A2M: variants seen among roughly 807,000 people sequenced by gnomAD.
A2M encodes alpha-2-macroglobulin, also known as C3 and PZP-like alpha-2-macroglobulin domain-containing protein 5.
A neutral mutation model predicts 183.9 loss-of-function variants in A2M; 128 were observed. That is an observed-to-expected ratio of 0.70 (90% CI 0.60 to 0.81). A2M has a LOEUF of 0.81. A2M is among the 30% of genes least tolerant of loss of function. The pLI, the probability that A2M is intolerant of heterozygous loss-of-function variation, is 0.00. For synonymous variants in A2M, 592 were observed against 670.8 expected (o/e 0.88, Z 1.81); for missense variants, 1,495 against 1,787.6 (o/e 0.84, Z 2.95).
At chr12:9,077,978 T>A in intron 25 of A2M, 121 bp from the exon 26 acceptor site, 1 of 1,102,112 alleles carries the variant, frequency 9.1e-7, no homozygotes, top group Non-Finnish European at 1.3e-6. Flanking sequence ...CTTAGAGAGC[T>A]TATCTCCTTG....
In A2M at chr12:9,106,287, TGA is replaced by T; in HGVS notation, c.1051_1052del (p.Ser351IlefsTer31). 1 of 1,607,732 alleles carries T rather than the reference TGA, an allele frequency of 6.2e-7. No homozygotes were observed. Among genetic ancestry groups the T allele is most frequent in the Non-Finnish European group, 8.5e-7 (1 of 1,174,204 alleles). ...GAAAGTGTGAGTCCACTTTCACAAA[TGA>T]GAGTTTGGTTATGGTTCTTGTGATT... ...SEITRTITKLSFVKVDSHFRQ... is the reference protein window; with the variant it reads ...SEITRTITKLXFVKVDSHFRQ... On this transcript the variant is annotated frameshift_variant, in exon 10 of 36. Transcript: ENST00000318602. LOFTEE classifies it high-confidence loss of function.
chr12:9,079,420 T>C (rs2137702693), intron 24 of A2M, 89 bp from the exon 25 acceptor site: 4 of 1,343,514 alleles, frequency 3.0e-6, no homozygotes, highest in East Asian at 4.6e-5. Context: ...GCTTCTCTTG[T>C]GACATTTCTT....
At position 9,110,004 on chromosome 12, in the gene A2M, T is replaced by C. The variant is rs1938602489; in HGVS notation, c.536A>G (p.Gln179Arg). Reference sequence around the variant, plus strand: ...GAGGCCACCCTCTAACTGGAAACTCTGCCATTGTGCGATGCGATTTCCTTT... The same window carrying C: ...GAGGCCACCCTCTAACTGGAAACTCCGCCATTGTGCGATGCGATTTCCTTT... ...DPKGNRIAQW[Q>R]SFQLEGGLKQ... is the part of the protein sequence containing the mutation. The change falls in exon 6 of 36, where the codon CAG becomes CGG. Residue 179 changes from glutamine (Q) to arginine (R), a missense_variant. Physicochemically the swap from Gln to Arg is conservative, Grantham distance 43 (BLOSUM62 1). Coordinates refer to ENST00000318602, the MANE Select transcript of A2M (RefSeq NM_000014.6). The C allele has an allele frequency of 6.2e-7, 1 of 1,613,160 alleles. No homozygotes were observed. The highest frequency in any genetic ancestry group is 8.5e-7 in the Non-Finnish European group (1 of 1,179,600).
chr12:9,095,495 T>C (rs780014577), intron 16 of A2M, 44 bp downstream of exon 16: 1 of 1,562,238 alleles, frequency 6.4e-7, no homozygotes, highest in Admixed American at 1.7e-5. Context: ...GTGTAATATT[T>C]TAAGAAGCTT....
At chr12:9,090,333 A>G (rs775793434) in intron 20 of A2M, 23 bp downstream of exon 20, 3 of 1,613,760 alleles carry the variant, frequency 1.9e-6, no homozygotes, top group African/African-American at 1.3e-5. Context: ...GTAGAGAATT[A>G]TCTCTAGCAG....
At chr12:9,089,602 G>A (rs775352229) in intron 21 of A2M, among the ~76,000 whole-genome samples, 1 of 152,104 alleles carries the variant, frequency 6.6e-6, no homozygotes, top group African/African-American at 2.4e-5. Context: ...CTAGCTGGGC[G>A]TGGTGGTGCA....
intron 21 of A2M, among the ~76,000 whole-genome samples, 193 bp from the exon 22 acceptor site, chr12:9,089,444 A>C (rs913142602): frequency 3.3e-5 from 5 of 152,188 alleles, no homozygotes; most frequent in African/African-American, 1.2e-4. Flanking sequence ...AAATTAAGAA[A>C]GTAAATCAAA....
chr12:9,076,031 A>G (rs919295878), intron 28 of A2M, among the ~76,000 whole-genome samples: 1 of 152,202 alleles, frequency 6.6e-6, no homozygotes, highest in Non-Finnish European at 1.5e-5. Context: ...TATTTCTTCA[A>G]CCGCTCATAT....
Position 9,101,135 on chromosome 12 carries a change from A to T in A2M, c.1558+9T>A. On this transcript the variant is annotated intron_variant, in intron 13 of 35. Coordinates refer to ENST00000318602, the MANE Select transcript of A2M (RefSeq NM_000014.6). ...GGGGCAGCAATGCAGAGATGATGGA[A>T]ATACTCACTGTCTTCCTGCTTCACA... 6.4e-7 allele frequency: 1 copy of T among 1,557,220 alleles called. No individual in the cohort carries two copies. The highest frequency in any genetic ancestry group is 8.7e-7 in the Non-Finnish European group (1 of 1,149,732).
intron 29 of A2M, among the ~76,000 whole-genome samples, chr12:9,074,238 C>T (rs1948668786): frequency 6.6e-6 from 1 of 151,986 alleles, no homozygotes; most frequent in Non-Finnish European, 1.5e-5. Context: ...TGAAAGAGAC[C>T]CTAGAGCTTT....
rs181158443 is a variant in A2M, at chr12:9,106,724, C to G, written c.880-119G>C. 6.4e-6 allele frequency: 3 copies of G among 465,932 alleles called. No individual in the cohort carries two copies. In the African/African-American group the frequency reaches 1.0e-4, roughly 16 times the overall value. The allele number at this position is 465,932 out of a possible 1,614,324, so 28.9% of individuals were successfully genotyped here. A position where few individuals can be genotyped will look rare whatever the true frequency, so the allele number is the denominator to read the frequency against. ...AACATCATGTAGGCATTTTCTATGA[C>G]GAGGACACAATAAATATTCTCTAGC... On this transcript the variant is annotated intron_variant, in intron 8 of 35. Transcript: ENST00000318602.
At chr12:9,090,287 C>T in intron 20 of A2M, 69 bp downstream of exon 20, 1 of 1,605,536 alleles carries the variant, frequency 6.2e-7, no homozygotes, top group South Asian at 1.1e-5. Context: ...AAGTAGCACT[C>T]AATATAAGGT....
chr12:9,083,215 G>A (rs1948958429), intron 22 of A2M, among the ~76,000 whole-genome samples: 1 of 152,020 alleles, frequency 6.6e-6, no homozygotes, highest in African/African-American at 2.4e-5. Context: ...ACAGGAAGGG[G>A]AACATCACAC....
intron 28 of A2M, among the ~76,000 whole-genome samples, chr12:9,075,191 C>G (rs1805682): frequency 0.55 from 84,199 of 151,948 alleles, 24,971 homozygotes; most frequent in African/African-American, 0.76. Flanking sequence ...AGTAGAGTTT[C>G]TACTCATTAA....
intron 7 of A2M, 102 bp from the exon 8 acceptor site, chr12:9,107,746 T>C: frequency 7.3e-7 from 1 of 1,364,826 alleles, no homozygotes; most frequent in South Asian, 1.3e-5. Flanking sequence ...TCCCTGTCTG[T>C]ACTTCCCTCT....
At position 9,106,553 on chromosome 12, in the gene A2M, A is replaced by T. The variant is rs1200810493; in HGVS notation, c.932T>A (p.Leu311Gln). The part of the protein sequence containing the change: ...YQQVKTKVFQ[L>Q]KRKEYEMKLH... ...TTTCATTTCATACTCCTTCCTCTTC[A>T]GCTGGAAGACCTTGGTTTTTACTTG... The change falls in exon 9 of 36, where the codon CTG becomes CAG. Residue 311 changes from leucine to glutamine, a missense_variant. By Grantham distance (113) the Leu-to-Gln change is moderately radical. Coordinates refer to ENST00000318602, the MANE Select transcript of A2M (RefSeq NM_000014.6). 6.3e-7 allele frequency: 1 copy of T among 1,597,078 alleles called. No individual in the cohort carries two copies. The highest frequency in any genetic ancestry group is 1.7e-5 in the Admixed American group (1 of 57,786).
chr12:9,068,888 C>T, intron 33 of A2M, 46 bp from the exon 34 acceptor site: 1 of 1,403,654 alleles, frequency 7.1e-7, no homozygotes. Context: ...AAGCTTTCTT[C>T]TCTCTTTGAA....
At chr12:9,073,885 C>G (rs1341544659) in intron 29 of A2M, among the ~76,000 whole-genome samples, 1 of 151,992 alleles carries the variant, frequency 6.6e-6, no homozygotes, top group Admixed American at 6.6e-5. Flanking sequence ...CTCAGGACTT[C>G]GAGATCAGCC....
At position 9,101,160 on chromosome 12, in the gene A2M, A is replaced by G. The variant is rs778819534; in HGVS notation, c.1542T>C (p.Leu514=). 5.8e-6 allele frequency: 9 copies of G among 1,560,824 alleles called. No homozygotes were observed. The African/African-American group carries it at 1.2e-4, about 21-fold the overall frequency. The change falls in exon 13 of 36, where the codon CTT becomes CTC. Residue 514 remains leucine (L), a synonymous_variant. Transcript: ENST00000318602. The part of the protein sequence containing the change: ...GIVRTGTHGL[L]VKQEDMKGHF... ...AATACTCACTGTCTTCCTGCTTCACAAGCAGTCCATGAGTCCCAGTTCGGA... is the reference window on the plus strand; with the variant it reads ...AATACTCACTGTCTTCCTGCTTCACGAGCAGTCCATGAGTCCCAGTTCGGA...
Sources: allele counts gnomAD v4.1 joint callset (sites outside exome capture counted in the v4.1 genomes callset), GRCh38; gene constraint gnomAD v4.1.1; transcripts MANE v1.5; gene names NCBI Gene and HGNC (gene_info 2026-07-23, HGNC 2026-07-21).